ARHGAP23: variants seen among roughly 807,000 people sequenced by gnomAD.
ARHGAP23 encodes Rho GTPase activating protein 23.
In ARHGAP23, 34 loss-of-function variants were observed where a neutral mutation model predicts 136.3. The observed-to-expected ratio is 0.25, with a 90% CI of 0.19 to 0.33. ARHGAP23 has a LOEUF of 0.33. Ranked by LOEUF, ARHGAP23 falls within the 10% of genes least tolerant of loss-of-function variation. The pLI, the probability that ARHGAP23 is intolerant of heterozygous loss-of-function variation, is 1.00. For missense variants in ARHGAP23, 1,808 were observed against 2,139.0 expected (o/e 0.85, Z 3.05); for synonymous variants, 832 against 920.5 (o/e 0.90, Z 1.74).
chr17:38,475,870 G>A (rs1403662062), intron 11 of ARHGAP23, among the ~76,000 whole-genome samples: 1 of 152,154 alleles, frequency 6.6e-6, no homozygotes, highest in Non-Finnish European at 1.5e-5. Context: ...AATATGGCCA[G>A]AGAAGGCCTC....
intron 1 of ARHGAP23, among the ~76,000 whole-genome samples, chr17:38,441,403 C>G (rs1046935279): frequency 2.6e-5 from 4 of 152,152 alleles, no homozygotes; most frequent in Admixed American, 6.5e-5. Flanking sequence ...TCCCCTCCCT[C>G]CTCTCTTCTC....
intron 20 of ARHGAP23, among the ~76,000 whole-genome samples, chr17:38,495,210 G>A (rs1430966602): frequency 6.7e-6 from 1 of 149,138 alleles, no homozygotes; most frequent in Non-Finnish European, 1.5e-5. Flanking sequence ...TGACTCCAGA[G>A]CTTCCATTTT....
intron 20 of ARHGAP23, among the ~76,000 whole-genome samples, chr17:38,491,919 G>A (rs564244347): frequency 1.3e-5 from 2 of 152,324 alleles, no homozygotes; most frequent in Non-Finnish European, 2.9e-5. Flanking sequence ...GGGGGCCAAG[G>A]TCTGGCCTGA....
intron 1 of ARHGAP23, chr17:38,457,316 C>A (rs2039349469): frequency 6.5e-6 from 1 of 152,780 alleles, no homozygotes; most frequent in African/African-American, 2.4e-5. Flanking sequence ...GGCTCTGGAG[C>A]CTCAGGAAGT....
chr17:38,466,059 C>T, intron 6 of ARHGAP23, 108 bp from the exon 7 acceptor site: 3 of 791,448 alleles, frequency 3.8e-6, no homozygotes, highest in South Asian at 4.4e-5. Context: ...ACCGCTTGGT[C>T]CTCTCCCTTC....
rs189089714 is a variant in ARHGAP23 at position 38,460,704 on chromosome 17, G to A, written c.226-201G>A. Among the ~76,000 whole-genome samples the A allele has an allele frequency of 9.0e-4, 137 of 152,304 alleles. 1 individual carries two copies. The highest frequency in any genetic ancestry group is 7.9e-3 in the South Asian group (38 of 4,820). ...TCCCTGATGGTTAGGGTGTTGAGGCGATGGGAGCACATGTCACTGGGGAAC... is the reference window on the plus strand; with the variant it reads ...TCCCTGATGGTTAGGGTGTTGAGGCAATGGGAGCACATGTCACTGGGGAAC... On this transcript the variant is annotated intron_variant, in intron 2 of 23. Transcript: ENST00000622683.
At chr17:38,502,058 T>C (rs539915067) in intron 23 of ARHGAP23, among the ~76,000 whole-genome samples, 36 of 152,266 alleles carry the variant, frequency 2.4e-4, no homozygotes, top group Non-Finnish European at 4.9e-4. Context: ...CCTGTAATCC[T>C]AGCACTTTGG....
chr17:38,501,455 T>C (rs2040518178), intron 23 of ARHGAP23, among the ~76,000 whole-genome samples: 2 of 152,040 alleles, frequency 1.3e-5, no homozygotes, highest in South Asian at 2.1e-4. Context: ...GCGCCCACCA[T>C]CACGTCCAGC....
chr17:38,431,914 C>T (rs1225033064), intron 1 of ARHGAP23, among the ~76,000 whole-genome samples: 1 of 152,160 alleles, frequency 6.6e-6, no homozygotes, highest in Non-Finnish European at 1.5e-5. Context: ...GACTGGGCTC[C>T]AAGAGGGAGA....
intron 10 of ARHGAP23, among the ~76,000 whole-genome samples, chr17:38,471,347 A>T (rs2039752533): frequency 6.6e-6 from 1 of 152,172 alleles, no homozygotes; most frequent in African/African-American, 2.4e-5. Context: ...CACCCTGGTG[A>T]TATTGGCACC....
intron 1 of ARHGAP23, among the ~76,000 whole-genome samples, chr17:38,447,824 G>A (rs564617209): frequency 6.6e-6 from 1 of 152,358 alleles, no homozygotes; most frequent in Admixed American, 6.5e-5. Context: ...GGTAAGCCCT[G>A]TCCCAATGCC....
At chr17:38,427,140 T>G (rs1356329055), upstream of ARHGAP23, among the ~76,000 whole-genome samples, 1 of 151,966 alleles carries the variant, frequency 6.6e-6, no homozygotes, top group Admixed American at 6.6e-5. Context: ...AGTTAGATAG[T>G]AGAAAGAATT....
intron 11 of ARHGAP23, among the ~76,000 whole-genome samples, chr17:38,475,223 A>G (rs1288108296): frequency 6.6e-6 from 1 of 152,220 alleles, no homozygotes; most frequent in East Asian, 1.9e-4. Flanking sequence ...TGTCAGGCAG[A>G]GGAGGGAAAG....
chr17:38,480,052 T>C (rs1482449576), intron 14 of ARHGAP23, among the ~76,000 whole-genome samples, 169 bp downstream of exon 14: 1 of 151,962 alleles, frequency 6.6e-6, no homozygotes, highest in Non-Finnish European at 1.5e-5. Flanking sequence ...CTAGGGGCTC[T>C]CAGGGTCTCG....
In ARHGAP23 at chr17:38,494,587, T is replaced by G. The variant is rs527237858; in HGVS notation, c.3276+3055T>G. 2.6e-5 allele frequency among the ~76,000 whole-genome samples: 4 copies of G among 152,008 alleles called. No homozygotes were observed. The East Asian group carries it at 7.7e-4, about 29-fold the overall frequency. On this transcript the variant is annotated intron_variant, in intron 20 of 23. Coordinates refer to ENST00000622683, the MANE Select transcript of ARHGAP23 (RefSeq NM_001199417.2). ...ACACACACACACACACAAAAATCCA[T>G]TAAAAAAATGATGCTTCTCATTCAT...
rs759469762 is a variant in ARHGAP23 at position 38,490,143 on chromosome 17, G to T, written c.3028G>T (p.Ala1010Ser). ...DFIEANRIED[A>S]RERMRTLRKL... Reference sequence around the variant, plus strand: ...CATCGAGGCCAACCGCATTGAGGACGCGCGGGAGCGAATGAGGACGCTGCG... The same window carrying T: ...CATCGAGGCCAACCGCATTGAGGACTCGCGGGAGCGAATGAGGACGCTGCG... Residue 1010 changes from alanine to serine, a missense_variant, in exon 18 of 24, where the codon GCG becomes TCG. By Grantham distance (99) the Ala-to-Ser change is moderately conservative (BLOSUM62 1). Transcript: ENST00000622683. The T allele has an allele frequency of 3.2e-6, 5 of 1,551,674 alleles. No individual in the cohort carries two copies. The African/African-American group carries it at 6.8e-5, about 21-fold the overall frequency.
At position 38,469,511 on chromosome 17, in the gene ARHGAP23, G is replaced by T. The variant is rs766115716; in HGVS notation, c.1805-13G>T. On this transcript the variant is annotated splice_polypyrimidine_tract_variant and intron_variant, in intron 8 of 23. Coordinates refer to ENST00000622683, the MANE Select transcript of ARHGAP23 (RefSeq NM_001199417.2). ...CCCGCTGACCCTGAGGCCCGATGTG[G>T]GCGGCTTTGCAGGCAGCATCAAGGC... is the stretch of plus-strand genomic sequence containing the variant. 12 of 1,546,616 alleles carry T rather than the reference G, an allele frequency of 7.8e-6. No individual in the cohort carries two copies. Among genetic ancestry groups the T allele is most frequent in the Non-Finnish European group, 9.6e-6 (11 of 1,145,574 alleles).
chr17:38,428,028 TTCTGGGTC>T (rs757469035), upstream of ARHGAP23, among the ~76,000 whole-genome samples: 72 of 152,188 alleles, frequency 4.7e-4, no homozygotes, highest in Non-Finnish European at 9.0e-4. Context: ...TTCTCATGCT[TTCTGGGTC>T]TCTGGATCTC....
chr17:38,446,020 CT>C (rs56071314), intron 1 of ARHGAP23, among the ~76,000 whole-genome samples: 58,615 of 139,088 alleles, frequency 0.42, 11,914 homozygotes, highest in South Asian at 0.54. Context: ...AAATATCTTT[CT>C]TTTTTTTTTT....
Sources: gnomAD v4.1 joint callset for allele counts (sites outside exome capture counted in the v4.1 genomes callset) on GRCh38, gnomAD v4.1.1 for gene constraint, MANE v1.5 for transcripts, NCBI Gene and HGNC (gene_info 2026-07-23, HGNC 2026-07-21) for gene names.